The following FAXC variants were observed in gnomAD, a reference collection of about 807,000 sequenced individuals.
FAXC encodes the protein failed axon connections homolog, metaxin like GST domain containing, also known as failed axon connections homolog.
Under a neutral mutation model 41.9 loss-of-function variants are expected in FAXC, and 10 were observed. The ratio of observed to expected loss-of-function variants is 0.24; its 90% CI spans 0.15 to 0.41. FAXC has a LOEUF of 0.41. Ranked by LOEUF, FAXC falls within the 10% of genes least tolerant of loss-of-function variation. FAXC has a pLI of 1.00. For synonymous variants in FAXC, 183 were observed against 183.8 expected, an observed-to-expected ratio of 1.00 and a Z score of 0.03; for missense variants, 399 against 510.9, an observed-to-expected ratio of 0.78 and a Z score of 2.11.
At chr6:99,285,960 C>T (rs1278102862) in intron 5 of FAXC, among the ~76,000 whole-genome samples, 1 of 152,186 alleles carries the variant, frequency 6.6e-6, no homozygotes, top group African/African-American at 2.4e-5. Context: ...CTCCCAGCTG[C>T]CAATCATACA....
intron 1 of FAXC, among the ~76,000 whole-genome samples, chr6:99,345,711 A>T (rs757490662): frequency 2.6e-5 from 4 of 152,244 alleles, no homozygotes; most frequent in Non-Finnish European, 5.9e-5. Context: ...TGATTCGCCA[A>T]CTAAATGCTC....
chr6:99,312,945 C>A (rs900936048), intron 4 of FAXC, among the ~76,000 whole-genome samples: 9 of 152,118 alleles, frequency 5.9e-5, no homozygotes, highest in Admixed American at 4.6e-4. Context: ...ACAAAATATG[C>A]CAATTTGATT....
intron 4 of FAXC, among the ~76,000 whole-genome samples, chr6:99,322,504 G>C (rs1772630386): frequency 2.0e-5 from 3 of 152,138 alleles, no homozygotes; most frequent in Admixed American, 2.0e-4. Flanking sequence ...ATGAGGATGA[G>C]GGTGAATCTG....
At chr6:99,339,952 A>G (rs1562185898) in intron 2 of FAXC, among the ~76,000 whole-genome samples, 1 of 152,142 alleles carries the variant, frequency 6.6e-6, no homozygotes, top group Non-Finnish European at 1.5e-5. Context: ...GAGATGAAAG[A>G]CCTCAGATAA....
rs1770401899 is a variant in FAXC at position 99,271,572 on chromosome 6, T to A, written c.*9592A>T. ...AACGGACATTGGATCATTTCAGATT[T>A]CCAGTTTTGATTTTGGGATACTCAA... On this transcript the variant is annotated 3_prime_UTR_variant, in exon 6 of 6. Transcript: ENST00000389677. The A allele has an allele frequency of 6.6e-6, 1 of 152,166 alleles. No individual in the cohort carries two copies. Among genetic ancestry groups the A allele is most frequent in the Non-Finnish European group, 1.5e-5 (1 of 68,030 alleles). 9.4% of individuals were successfully genotyped at this position (152,166 alleles called of 1,614,324 possible).
At chr6:99,282,131 C>T (rs1470646971) in intron 5 of FAXC, among the ~76,000 whole-genome samples, 1 of 152,058 alleles carries the variant, frequency 6.6e-6, no homozygotes, top group African/African-American at 2.4e-5. Flanking sequence ...AGATAAACTA[C>T]CATCATTTGG....
intron 3 of FAXC, among the ~76,000 whole-genome samples, chr6:99,330,580 T>C (rs991612248): frequency 6.6e-6 from 1 of 152,228 alleles, no homozygotes; most frequent in Non-Finnish European, 1.5e-5. Context: ...TAGCTTTCCA[T>C]TGCCTTTGCT....
chr6:99,334,533 G>A (rs886074261), intron 2 of FAXC: 5 of 682,280 alleles, frequency 7.3e-6, no homozygotes, highest in Non-Finnish European at 7.2e-6. Flanking sequence ...CAGGAGAAAT[G>A]TCACCTACTT....
chr6:99,290,790 AT>A (rs1771210803), intron 5 of FAXC, among the ~76,000 whole-genome samples: 1 of 151,514 alleles, frequency 6.6e-6, no homozygotes, highest in African/African-American at 2.4e-5. Context: ...CCAGTCTTGA[AT>A]TTTTTAGCTC....
rs74297636 is a variant in FAXC at position 99,335,212 on chromosome 6, G to A, written c.403-1665C>T. Among the ~76,000 whole-genome samples the A allele has an allele frequency of 1.9e-3, 282 of 152,194 alleles. 4 individuals are homozygous for A. The East Asian group carries it at 0.046, about 25-fold the overall frequency. On this transcript the variant is annotated intron_variant, in intron 2 of 5. Transcript: ENST00000389677. The stretch of plus-strand genomic sequence containing the variant: ...TGATAACTTGTTACATGTTTATCTT[G>A]ACTACTTTTTAAAATAGTAGTAATA...
At chr6:99,284,158 A>G (rs952695170) in intron 5 of FAXC, 2 of 151,880 alleles carry the variant, frequency 1.3e-5, no homozygotes, top group African/African-American at 4.8e-5. Context: ...CCTCCACTCA[A>G]CTCTCTACTG....
intron 2 of FAXC, among the ~76,000 whole-genome samples, chr6:99,334,962 C>A (rs1363311640): frequency 6.6e-6 from 1 of 152,194 alleles, no homozygotes; most frequent in Non-Finnish European, 1.5e-5. Context: ...ACTTTATGCA[C>A]TCTTCACCTT....
chr6:99,307,792 G>C (rs1158108054), intron 4 of FAXC, among the ~76,000 whole-genome samples: 1 of 152,152 alleles, frequency 6.6e-6, no homozygotes, highest in Admixed American at 6.5e-5. Flanking sequence ...CCTACAGTGG[G>C]ATGGGGATTG....
At chr6:99,327,157 C>T (rs1284989175) in intron 3 of FAXC, among the ~76,000 whole-genome samples, 1 of 152,144 alleles carries the variant, frequency 6.6e-6, no homozygotes, top group African/African-American at 2.4e-5. Context: ...TCAATATTAT[C>T]GACCAGTGTC....
chr6:99,296,817 G>A lies in FAXC; in HGVS notation c.824-4997C>T, dbSNP rs574104823. 4.6e-5 allele frequency among the ~76,000 whole-genome samples: 7 copies of A among 152,302 alleles called. No homozygotes were observed. The East Asian group carries it at 7.7e-4, about 17-fold the overall frequency. ...GGATCTGGAGAAGGAGAGCCCATAG[G>A]GGGAGTAGCAGGGGCTGGTTCTACT... On this transcript the variant is annotated intron_variant, in intron 4 of 5. Coordinates refer to ENST00000389677, the MANE Select transcript of FAXC (RefSeq NM_032511.4).
chr6:99,333,582 A>T, intron 2 of FAXC, 35 bp from the exon 3 acceptor site: 1 of 1,518,486 alleles, frequency 6.6e-7, no homozygotes, highest in Non-Finnish European at 8.9e-7. Context: ...GAGAAAAGCA[A>T]TATTGTATTT....
chr6:99,309,429 A>C (rs1204085325), intron 4 of FAXC, among the ~76,000 whole-genome samples: 3 of 152,234 alleles, frequency 2.0e-5, no homozygotes, highest in Non-Finnish European at 2.9e-5. Flanking sequence ...ATTAGCATTT[A>C]ATTTTATTCT....
At chr6:99,320,505 T>C (rs1341704922) in intron 4 of FAXC, among the ~76,000 whole-genome samples, 3 of 152,242 alleles carry the variant, frequency 2.0e-5, no homozygotes, top group Non-Finnish European at 4.4e-5. Context: ...CTCCTGTCTC[T>C]CTTTACCACC....
chr6:99,284,554 A>C (rs1408869870), intron 5 of FAXC, among the ~76,000 whole-genome samples: 1 of 104,476 alleles, frequency 9.6e-6, no homozygotes, highest in Non-Finnish European at 1.9e-5. Flanking sequence ...GGTTGTGTGG[A>C]GTGTCTGTGT....
Sources: allele counts gnomAD v4.1 joint callset (sites outside exome capture counted in the v4.1 genomes callset), GRCh38; gene constraint gnomAD v4.1.1; transcripts MANE v1.5; gene names NCBI Gene and HGNC (gene_info 2026-07-23, HGNC 2026-07-21).